DCX: variants seen among roughly 807,000 people sequenced by gnomAD.
DCX encodes the protein doublecortin.
A neutral mutation model predicts 20.9 loss-of-function variants in DCX; 4 were observed. That is an observed-to-expected ratio of 0.19 (90% CI 0.09 to 0.44). The LOEUF is 0.44. Among genes scored for constraint, DCX ranks in the 20% least tolerant of loss-of-function variants. The probability of loss-of-function intolerance (pLI) is 0.99; values close to 1 mark genes in which losing one functional copy is unlikely to be tolerated. For missense variants in DCX, 133 were observed against 296.9 expected (o/e 0.45, Z 4.06); for synonymous variants, 103 against 111.4 (o/e 0.92, Z 0.47).
intron 3 of DCX, among the ~76,000 whole-genome samples, chrX:111,352,676 C>G (rs974608640): frequency 2.7e-5 from 3 of 111,469 alleles, no homozygotes; most frequent in African/African-American, 9.8e-5. Context: ...TTAGGGAACA[C>G]CAAATAGGGT....
intron 3 of DCX, among the ~76,000 whole-genome samples, chrX:111,364,393 A>T (rs1030741952): frequency 8.9e-6 from 1 of 112,408 alleles, no homozygotes; most frequent in Non-Finnish European, 1.9e-5. Flanking sequence ...TGCAAAGTAT[A>T]TAAGAAAGAT....
intron 2 of DCX, among the ~76,000 whole-genome samples, chrX:111,401,672 G>A (rs1176776857): frequency 3.6e-5 from 4 of 112,236 alleles, no homozygotes; most frequent in African/African-American, 9.7e-5. Flanking sequence ...TTTCTAGGAT[G>A]TTTAGCTTTC....
At chrX:111,370,497 A>G (rs1924985405) in intron 3 of DCX, among the ~76,000 whole-genome samples, 1 of 111,730 alleles carries the variant, frequency 9.0e-6, no homozygotes, top group Non-Finnish European at 1.9e-5. Context: ...TGTCTATAGC[A>G]TGATATCTCA....
intron 1 of DCX, chrX:111,411,019 C>A (rs767433788): frequency 1.8e-5 from 20 of 1,086,188 alleles, no homozygotes; most frequent in Middle Eastern, 2.5e-4. Flanking sequence ...GCATCCCCTC[C>A]CCCCAGAATA....
chrX:111,381,781 G>A (rs184558185), intron 3 of DCX, among the ~76,000 whole-genome samples: 6 of 111,431 alleles, frequency 5.4e-5, no homozygotes, highest in African/African-American at 9.8e-5. Flanking sequence ...GCTATGTGTC[G>A]TAAAACAAAA....
intron 6 of DCX, among the ~76,000 whole-genome samples, chrX:111,312,226 T>C: frequency 8.9e-6 from 1 of 111,988 alleles, no homozygotes; most frequent in Non-Finnish European, 1.9e-5. Flanking sequence ...ATGGAGTAAG[T>C]AACTCAGTGC....
intron 3 of DCX, among the ~76,000 whole-genome samples, chrX:111,387,832 G>A (rs1926639421): frequency 1.8e-5 from 2 of 111,530 alleles, no homozygotes; most frequent in Admixed American, 9.5e-5. Flanking sequence ...CTCTTTTAAG[G>A]GATATTATCA....
chrX:111,368,548 G>A (rs1924810526), intron 3 of DCX, among the ~76,000 whole-genome samples: 1 of 111,175 alleles, frequency 9.0e-6, no homozygotes, highest in Non-Finnish European at 1.9e-5. Flanking sequence ...GTTTTTCCAA[G>A]CAAAGAAGCA....
chrX:111,396,276 C>T (rs543448097), intron 3 of DCX, among the ~76,000 whole-genome samples: 7 of 112,132 alleles, frequency 6.2e-5, no homozygotes, highest in Middle Eastern at 4.6e-3. Flanking sequence ...TCCAAGTAGT[C>T]GGTGCTATAA....
At chrX:111,394,597 A>C (rs1927188762) in intron 3 of DCX, among the ~76,000 whole-genome samples, 1 of 112,051 alleles carries the variant, frequency 8.9e-6, no homozygotes, top group Non-Finnish European at 1.9e-5. Flanking sequence ...AAAATAAAGA[A>C]CTAAGAACAA....
rs1380800670 is a variant in DCX at position 111,402,781 on chromosome X, TG to T, written c.365-1452del. Among the ~76,000 whole-genome samples, 208 of 86,528 alleles carry T rather than the reference TG, an allele frequency of 2.4e-3. 1 individual carries two copies. The highest frequency in any genetic ancestry group is 8.8e-3 in the African/African-American group (197 of 22,408). 75.1% of individuals were successfully genotyped at this position (86,528 alleles called of 115,157 possible). ...GTGTGTATGTGTGTGTGTGTGTGCG[TG>T]GTGTGTGTGTGTGTGTGTGTGTGTG... On this transcript the variant is annotated intron_variant, in intron 2 of 6. Coordinates refer to ENST00000636035, the MANE Select transcript of DCX (RefSeq NM_001195553.2).
intron 2 of DCX, among the ~76,000 whole-genome samples, chrX:111,402,332 T>C (rs1927855851): frequency 9.0e-6 from 1 of 111,682 alleles, no homozygotes; most frequent in African/African-American, 3.3e-5. Flanking sequence ...CCTGGGACTA[T>C]GAGCTGAAGA....
chrX:111,314,575 G>A (rs140802784), intron 5 of DCX, among the ~76,000 whole-genome samples: 48 of 111,769 alleles, frequency 4.3e-4, no homozygotes, highest in African/African-American at 1.6e-3. Flanking sequence ...GTCTGCTAAT[G>A]GGTACAAGTT....
At position 111,356,540 on chromosome X, in the gene DCX, C is replaced by T. The variant is rs182650068; in HGVS notation, c.706-23387G>A. 3.7e-3 allele frequency among the ~76,000 whole-genome samples: 419 copies of T among 112,000 alleles called. 3 individuals are homozygous for T. Among genetic ancestry groups the T allele is most frequent in the African/African-American group, 0.012 (385 of 30,822 alleles). Reference sequence around the variant, plus strand: ...GGACCTATCTATTTTGTTCTAAGGACGGGGAGTGAGAGCTTAGGAGCACTT... The same window carrying T: ...GGACCTATCTATTTTGTTCTAAGGATGGGGAGTGAGAGCTTAGGAGCACTT... On this transcript the variant is annotated intron_variant, in intron 3 of 6. Coordinates refer to ENST00000636035, the MANE Select transcript of DCX (RefSeq NM_001195553.2).
chrX:111,308,710 T>C (rs1296977127), intron 6 of DCX, among the ~76,000 whole-genome samples: 1 of 111,973 alleles, frequency 8.9e-6, no homozygotes, highest in East Asian at 2.8e-4. Flanking sequence ...TTAAATAATG[T>C]TATTTATATT....
chrX:111,375,121 G>A (rs937196677), intron 3 of DCX, among the ~76,000 whole-genome samples: 1 of 105,827 alleles, frequency 9.4e-6, no homozygotes, highest in Non-Finnish European at 1.9e-5. Flanking sequence ...GGGTGGGTAG[G>A]AGGGTGCATG....
Position 111,399,448 on chromosome X carries a change from A to G in DCX, c.705+1542T>C, listed in dbSNP as rs762896349. Among the ~76,000 whole-genome samples the G allele has an allele frequency of 7.1e-5, 8 of 112,057 alleles. No individual in the cohort carries two copies. The South Asian group carries it at 2.6e-3, about 37-fold the overall frequency. ...TTTTTGATTTGCATATTCCTATATT[A>G]CTTCAGAAGGCTGAAGGCACAGGGA... On this transcript the variant is annotated intron_variant, in intron 3 of 6. Coordinates refer to ENST00000636035, the MANE Select transcript of DCX (RefSeq NM_001195553.2).
At chrX:111,398,463 A>G (rs1405303675) in intron 3 of DCX, among the ~76,000 whole-genome samples, 1 of 111,735 alleles carries the variant, frequency 8.9e-6, no homozygotes, top group Non-Finnish European at 1.9e-5. Flanking sequence ...CAGGGTGGGC[A>G]GAGGAAGACA....
chrX:111,304,592 G>T (rs2095040983), intron 6 of DCX, among the ~76,000 whole-genome samples: 1 of 111,076 alleles, frequency 9.0e-6, no homozygotes, highest in African/African-American at 3.3e-5. Flanking sequence ...TTGACCTGTG[G>T]GGTAGCTCCC....
Sources: allele counts gnomAD v4.1 joint callset (sites outside exome capture counted in the v4.1 genomes callset), GRCh38; gene constraint gnomAD v4.1.1; transcripts MANE v1.5; gene names NCBI Gene and HGNC (gene_info 2026-07-23, HGNC 2026-07-21).